BMP5: variants seen among roughly 807,000 people sequenced by gnomAD.
BMP5 encodes bone morphogenetic protein 5.
Under a neutral mutation model 46.6 loss-of-function variants are expected in BMP5, and 23 were observed. The observed-to-expected ratio is 0.49, with a 90% CI of 0.35 to 0.70. BMP5 has a LOEUF of 0.70. BMP5 is among the 30% of genes least tolerant of loss of function. The pLI is 0.00. For synonymous variants in BMP5, 204 were observed against 191.9 expected (o/e 1.06, Z -0.52); for missense variants, 545 against 565.6 (o/e 0.96, Z 0.37).
At chr6:55,843,428 A>G (rs1484852807) in intron 1 of BMP5, among the ~76,000 whole-genome samples, 1 of 152,116 alleles carries the variant, frequency 6.6e-6, no homozygotes, top group African/African-American at 2.4e-5. Context: ...ATACTTGCAT[A>G]CCATCTTAAC....
At chr6:55,760,907 T>C (rs574263571) in intron 4 of BMP5, among the ~76,000 whole-genome samples, 6 of 152,084 alleles carry the variant, frequency 3.9e-5, no homozygotes, top group Non-Finnish European at 8.8e-5. Context: ...AGAGATTATA[T>C]ATATATAATA....
At chr6:55,845,415 T>A (rs1028725371) in intron 1 of BMP5, among the ~76,000 whole-genome samples, 7 of 151,920 alleles carry the variant, frequency 4.6e-5, no homozygotes, top group Admixed American at 3.3e-4. Context: ...AAAAAAATGA[T>A]CTGGATGCTT....
intron 1 of BMP5, among the ~76,000 whole-genome samples, chr6:55,857,566 C>T (rs1207675376): frequency 6.6e-6 from 1 of 152,174 alleles, no homozygotes; most frequent in African/African-American, 2.4e-5. Context: ...AGTTCCAAAA[C>T]ATCTTGAGAT....
chr6:55,794,164 C>A, intron 3 of BMP5, 115 bp downstream of exon 3: 1 of 1,111,458 alleles, frequency 9.0e-7, no homozygotes. Flanking sequence ...CTATAGAATG[C>A]GTTGACTTGG....
chr6:55,765,485 TA>T (rs2127517712), intron 4 of BMP5, among the ~76,000 whole-genome samples: 1 of 152,180 alleles, frequency 6.6e-6, no homozygotes, highest in East Asian at 1.9e-4. Context: ...AATTTATTTA[TA>T]AAAATTTAAA....
intron 1 of BMP5, among the ~76,000 whole-genome samples, chr6:55,843,140 A>G (rs1033058807): frequency 6.6e-6 from 1 of 152,112 alleles, no homozygotes; most frequent in African/African-American, 2.4e-5. Flanking sequence ...TTATAAGAGT[A>G]ATTTGCATGG....
rs1446238220 is a variant in BMP5, at chr6:55,754,646, C to T, written c.*887G>A. 1.3e-5 allele frequency: 2 copies of T among 151,878 alleles called. No homozygotes were observed. The highest frequency in any genetic ancestry group is 1.5e-5 in the Non-Finnish European group (1 of 67,914). The allele number at this position is 151,878 out of a possible 1,614,324, so 9.4% of individuals were successfully genotyped here. A position where few individuals can be genotyped will look rare whatever the true frequency, so the allele number is the denominator to read the frequency against. On this transcript the variant is annotated 3_prime_UTR_variant, in exon 7 of 7. Coordinates refer to ENST00000370830, the MANE Select transcript of BMP5 (RefSeq NM_021073.4). ...ATCTTCTGCTCTTGTACATTTTACG[C>T]ATGCAGTGACTCTTGCCTGTGGGGA...
At chr6:55,830,025 A>G (rs192900239) in intron 1 of BMP5, among the ~76,000 whole-genome samples, 1 of 152,094 alleles carries the variant, frequency 6.6e-6, no homozygotes, top group African/African-American at 2.4e-5. Context: ...CTGCTATTAT[A>G]TGTCATAAGT....
At chr6:55,817,000 C>A (rs543085810) in intron 2 of BMP5, among the ~76,000 whole-genome samples, 1 of 152,040 alleles carries the variant, frequency 6.6e-6, no homozygotes, top group African/African-American at 2.4e-5. Flanking sequence ...ATGAAAAAAA[C>A]GCTCATCATC....
intron 1 of BMP5, among the ~76,000 whole-genome samples, chr6:55,825,564 G>A (rs185725203): frequency 1.1e-3 from 172 of 151,690 alleles, no homozygotes; most frequent in Middle Eastern, 3.4e-3. Flanking sequence ...GACTTTTATT[G>A]TTGAGATACA....
At chr6:55,840,412 A>G (rs561797260) in intron 1 of BMP5, among the ~76,000 whole-genome samples, 1 of 152,266 alleles carries the variant, frequency 6.6e-6, no homozygotes, top group South Asian at 2.1e-4. Flanking sequence ...AGACATGGTG[A>G]GCATAGATAA....
chr6:55,764,793 C>T (rs918379756), intron 4 of BMP5, among the ~76,000 whole-genome samples: 5 of 150,354 alleles, frequency 3.3e-5, no homozygotes, highest in African/African-American at 1.2e-4. Context: ...GGAATGGTAG[C>T]AGAAAGAGGG....
chr6:55,873,632 T>TTG lies in BMP5; in HGVS notation c.490+743_490+744insCA, dbSNP rs577348310. 4.1e-3 allele frequency among the ~76,000 whole-genome samples: 624 copies of TTG among 152,090 alleles called. 6 individuals carry two copies. Among genetic ancestry groups the TTG allele is most frequent in the African/African-American group, 0.014 (577 of 41,560 alleles). ...AAAACATAATTTTAAAATTTTCTCA[T>TTG]TAATATTGTTGTGGTTTACAGAAAA... On this transcript the variant is annotated intron_variant, in intron 1 of 6. Transcript: ENST00000370830.
Position 55,755,639 on chromosome 6 carries a change from G to A in BMP5, c.1259C>T (p.Ala420Val). 1 of 1,612,436 alleles carries A rather than the reference G, an allele frequency of 6.2e-7. No homozygotes were observed. The highest frequency in any genetic ancestry group is 8.5e-7 in the Non-Finnish European group (1 of 1,178,884). The stretch of plus-strand genomic sequence containing the variant: ...AGAGATGGCATTTAATTTGGTTGGA[G>A]CACAACAAGGCTTTGGTACGTGGTC... Reference protein sequence around the residue: ...FPDHVPKPCCAPTKLNAISVL... With the variant: ...FPDHVPKPCCVPTKLNAISVL... The change falls in exon 7 of 7, where the codon GCT (alanine) becomes GTT (valine). Residue 420 changes from alanine (A) to valine (V), a missense_variant. By Grantham distance (64) the Ala-to-Val change is moderately conservative. Transcript: ENST00000370830.
At chr6:55,851,877 C>T (rs1454370145) in intron 1 of BMP5, among the ~76,000 whole-genome samples, 2 of 151,998 alleles carry the variant, frequency 1.3e-5, no homozygotes, top group African/African-American at 4.8e-5. Flanking sequence ...TAAGTATGGG[C>T]CATGTCAGAT....
chr6:55,861,265 AGGCAAG>A (rs894177482), intron 1 of BMP5, among the ~76,000 whole-genome samples: 1 of 152,196 alleles, frequency 6.6e-6, no homozygotes, highest in African/African-American at 2.4e-5. Context: ...AGAGAAGCTG[AGGCAAG>A]GCACTCATAC....
At chr6:55,771,236 A>T (rs925149526) in intron 4 of BMP5, among the ~76,000 whole-genome samples, 2 of 151,846 alleles carry the variant, frequency 1.3e-5, no homozygotes, top group Admixed American at 6.6e-5. Context: ...GGAGGTTTTT[A>T]AAAAAATCTT....
At chr6:55,774,903 GTATTGTGAAA>G (rs1207825435) in intron 3 of BMP5, among the ~76,000 whole-genome samples, 5 of 151,924 alleles carry the variant, frequency 3.3e-5, no homozygotes, top group Non-Finnish European at 7.4e-5. Context: ...TCAATATGAA[GTATTGTGAAA>G]TAAACATAGA....
intron 4 of BMP5, 140 bp downstream of exon 4, chr6:55,773,909 G>A (rs1775105358): frequency 4.3e-6 from 4 of 926,488 alleles, no homozygotes; most frequent in Non-Finnish European, 7.0e-6. Context: ...GAAACATTCT[G>A]GGATGCTAGA....
Sources: allele counts gnomAD v4.1 joint callset (sites outside exome capture counted in the v4.1 genomes callset), GRCh38; gene constraint gnomAD v4.1.1; transcripts MANE v1.5; gene names NCBI Gene and HGNC (gene_info 2026-07-23, HGNC 2026-07-21).